The following KAZN variants were observed in gnomAD, a reference collection of about 807,000 sequenced individuals.
The protein encoded by KAZN is kazrin.
KAZN carries 40 observed loss-of-function variants against 87.4 expected under a neutral mutation model. The observed-to-expected ratio is 0.46, with a 90% CI of 0.36 to 0.60. KAZN has a LOEUF of 0.60. Ranked by LOEUF, KAZN falls within the 20% of genes least tolerant of loss-of-function variation. KAZN has a pLI of 0.00. For missense variants in KAZN, 898 were observed against 1,073.9 expected (o/e 0.84, Z 2.29); for synonymous variants, 466 against 458.3 (o/e 1.02, Z -0.22).
intron 1 of KAZN, among the ~76,000 whole-genome samples, chr1:14,710,427 G>A (rs1016018854): frequency 4.6e-5 from 7 of 152,252 alleles, no homozygotes; most frequent in East Asian, 1.9e-4. Context: ...ATGTCCTACC[G>A]TGGCACGTGG....
intron 8 of KAZN, among the ~76,000 whole-genome samples, chr1:15,085,738 T>C (rs1219129176): frequency 6.6e-6 from 1 of 152,160 alleles, no homozygotes; most frequent in Non-Finnish European, 1.5e-5. Flanking sequence ...TGGACAGCAC[T>C]AGGTCACAAG....
intron 1 of KAZN, among the ~76,000 whole-genome samples, chr1:14,110,386 A>G (rs962872019): frequency 6.6e-6 from 1 of 152,218 alleles, no homozygotes; most frequent in African/African-American, 2.4e-5. Flanking sequence ...ATAACTCTCT[A>G]AGAATTTAGA....
At chr1:14,091,157 A>G (rs1397799191) in intron 1 of KAZN, among the ~76,000 whole-genome samples, 1 of 151,158 alleles carries the variant, frequency 6.6e-6, no homozygotes, top group Non-Finnish European at 1.5e-5. Flanking sequence ...CCCTTTACAA[A>G]TTTACCTGTG....
In KAZN at chr1:14,488,111, A is replaced by G. The variant is rs181107125; in HGVS notation, c.250-110872A>G. Reference sequence around the variant, plus strand: ...AAACTAATAACTTACAACAGGGATCATAGATGAGTCTTTGCAGAAGAAACC... The same window carrying G: ...AAACTAATAACTTACAACAGGGATCGTAGATGAGTCTTTGCAGAAGAAACC... On this transcript the variant is annotated intron_variant, in intron 2 of 16. Coordinates refer to the KAZN transcript ENST00000636203. Among the ~76,000 whole-genome samples the G allele has an allele frequency of 1.1e-4, 16 of 152,348 alleles. No individual in the cohort carries two copies. The East Asian group carries it at 3.1e-3, about 29-fold the overall frequency.
intron 8 of KAZN, among the ~76,000 whole-genome samples, chr1:15,070,151 G>T (rs1031809333): frequency 6.6e-6 from 1 of 152,242 alleles, no homozygotes; most frequent in Non-Finnish European, 1.5e-5. Flanking sequence ...GCAGTGAGGG[G>T]CTGCCGCCAA....
chr1:14,388,988 A>G lies in KAZN; in HGVS notation c.249+208396A>G, dbSNP rs139271235. 8.7e-3 allele frequency among the ~76,000 whole-genome samples: 1,331 copies of G among 152,336 alleles called. 11 individuals carry two copies. The highest frequency in any genetic ancestry group is 0.047 in the East Asian group (242 of 5,184). On this transcript the variant is annotated intron_variant, in intron 2 of 16. Coordinates refer to the KAZN transcript ENST00000636203. ...AATAAGCAGATTATATAAGGCACTC[A>G]AACAACTCTACAGGAAAAAAAAATC...
At chr1:14,609,128 T>C (rs1302273852) in intron 1 of KAZN, among the ~76,000 whole-genome samples, 2 of 152,242 alleles carry the variant, frequency 1.3e-5, no homozygotes, top group Non-Finnish European at 2.9e-5. Flanking sequence ...TCTTAATTAA[T>C]GTGCTCATCA....
chr1:14,924,822 A>G (rs945086338), intron 1 of KAZN, among the ~76,000 whole-genome samples: 1 of 152,070 alleles, frequency 6.6e-6, no homozygotes, highest in African/African-American at 2.4e-5. Flanking sequence ...TGCCGGAGCC[A>G]GGCGATCCCG....
In KAZN at chr1:13,923,334, G is replaced by T. The variant is rs191441873; in HGVS notation, c.91+29578G>T. Among the ~76,000 whole-genome samples, 235 of 152,232 alleles carry T rather than the reference G, an allele frequency of 1.5e-3. 1 individual carries two copies. Among genetic ancestry groups the T allele is most frequent in the African/African-American group, 5.4e-3 (225 of 41,524 alleles). Reference sequence around the variant, plus strand: ...CACGCCTGTAATCCCAGCACTTTGGGAGGCTGAGGTGGGCAGATCACGAGG... The same window carrying T: ...CACGCCTGTAATCCCAGCACTTTGGTAGGCTGAGGTGGGCAGATCACGAGG... On this transcript the variant is annotated intron_variant, in intron 1 of 16. Transcript: ENST00000636203.
chr1:14,506,573 C>G (rs1670594316), intron 2 of KAZN, among the ~76,000 whole-genome samples: 1 of 152,148 alleles, frequency 6.6e-6, no homozygotes, highest in Non-Finnish European at 1.5e-5. Flanking sequence ...TCAGTCCTTT[C>G]AACTGCCAAA....
chr1:14,728,056 C>T (rs576839616), intron 1 of KAZN, among the ~76,000 whole-genome samples: 2 of 151,698 alleles, frequency 1.3e-5, no homozygotes, highest in South Asian at 2.1e-4. Flanking sequence ...GAGGCCGAGA[C>T]GGGCGGATCA....
intron 1 of KAZN, among the ~76,000 whole-genome samples, chr1:14,928,576 T>C (rs1323136765): frequency 6.6e-6 from 1 of 152,218 alleles, no homozygotes; most frequent in Non-Finnish European, 1.5e-5. Flanking sequence ...ACGCAAGCAT[T>C]TGCTTATCTT....
chr1:14,150,514 G>C (rs1237211191), intron 1 of KAZN, among the ~76,000 whole-genome samples: 2 of 152,174 alleles, frequency 1.3e-5, no homozygotes, highest in Admixed American at 6.5e-5. Context: ...TTTCAAAGCT[G>C]TGTGTTTATG....
At chr1:14,450,929 C>T (rs115187330) in intron 2 of KAZN, among the ~76,000 whole-genome samples, 1,567 of 152,078 alleles carry the variant, frequency 0.01, 26 homozygotes, top group African/African-American at 0.035. Context: ...GTCATCCTCT[C>T]GGTGCTGTCC....
chr1:14,567,393 T>A (rs1267947366), intron 2 of KAZN, among the ~76,000 whole-genome samples: 1 of 152,180 alleles, frequency 6.6e-6, no homozygotes, highest in Admixed American at 6.5e-5. Context: ...ATAATAGATA[T>A]AATGATAATG....
intron 1 of KAZN, among the ~76,000 whole-genome samples, chr1:14,135,001 ACATGTG>A (rs773429070): frequency 0.045 from 1,857 of 40,908 alleles, 21 homozygotes; most frequent in African/African-American, 0.11. Flanking sequence ...ACACACACAC[ACATGTG>A]CACACATGCA....
intron 2 of KAZN, among the ~76,000 whole-genome samples, chr1:14,534,822 G>A (rs955667216): frequency 6.6e-6 from 1 of 151,998 alleles, no homozygotes. Context: ...AAAATCTCTG[G>A]TTCTATCAGC....
At chr1:14,461,500 C>T (rs1667849979) in intron 2 of KAZN, among the ~76,000 whole-genome samples, 1 of 152,200 alleles carries the variant, frequency 6.6e-6, no homozygotes, top group Non-Finnish European at 1.5e-5. Context: ...CCACATGGAA[C>T]TGTGAGTCCA....
intron 8 of KAZN, among the ~76,000 whole-genome samples, chr1:15,085,902 T>A (rs528305877): frequency 6.6e-6 from 1 of 152,284 alleles, no homozygotes; most frequent in African/African-American, 2.4e-5. Context: ...CACAATTATA[T>A]CATTCAGAAT....
Sources: allele counts gnomAD v4.1 joint callset (sites outside exome capture counted in the v4.1 genomes callset), GRCh38; gene constraint gnomAD v4.1.1; transcripts MANE v1.5; gene names NCBI Gene and HGNC (gene_info 2026-07-23, HGNC 2026-07-21).